KCNIP4: variants seen among roughly 807,000 people sequenced by gnomAD.
KCNIP4 encodes potassium voltage-gated channel interacting protein 4.
A neutral mutation model predicts 34.0 loss-of-function variants in KCNIP4; 12 were observed. The observed-to-expected ratio is 0.35, with a 90% CI of 0.23 to 0.57. The LOEUF (loss-of-function observed/expected upper bound fraction) is 0.57. KCNIP4 is among the 20% of genes least tolerant of loss of function. The pLI is 0.83. For missense variants in KCNIP4, 238 were observed against 311.7 expected (o/e 0.76, Z 1.78); for synonymous variants, 124 against 102.2 (o/e 1.21, Z -1.29).
intron 1 of KCNIP4, among the ~76,000 whole-genome samples, chr4:21,741,765 G>A (rs572502388): frequency 5.3e-5 from 8 of 152,220 alleles, no homozygotes; most frequent in Admixed American, 2.6e-4. Context: ...TAGGCCGGGC[G>A]TGGTGGCTCA....
intron 1 of KCNIP4, among the ~76,000 whole-genome samples, chr4:21,020,461 A>G (rs1739935315): frequency 6.6e-6 from 1 of 152,072 alleles, no homozygotes; most frequent in Admixed American, 6.5e-5. Context: ...ATTTGGGATG[A>G]TACTCCCTCT....
intron 1 of KCNIP4, among the ~76,000 whole-genome samples, chr4:21,663,825 C>T (rs1275812566): frequency 2.0e-5 from 3 of 152,210 alleles, no homozygotes; most frequent in Non-Finnish European, 4.4e-5. Flanking sequence ...ATTCTCACAA[C>T]AGCACTATTT....
chr4:21,427,819 T>G (rs1726065948), intron 1 of KCNIP4, among the ~76,000 whole-genome samples: 1 of 152,126 alleles, frequency 6.6e-6, no homozygotes, highest in African/African-American at 2.4e-5. Flanking sequence ...TCAAAGTCCT[T>G]AAGAAAACTG....
chr4:20,864,155 C>CATACACATGTATGT (rs1286762501), intron 2 of KCNIP4, among the ~76,000 whole-genome samples: 2 of 87,156 alleles, frequency 2.3e-5, no homozygotes, highest in Non-Finnish European at 5.9e-5. Context: ...TCCATGTATG[C>CATACACATGTATGT]ATACACATGT....
At chr4:21,514,551 T>A (rs1360458125) in intron 1 of KCNIP4, among the ~76,000 whole-genome samples, 3 of 152,062 alleles carry the variant, frequency 2.0e-5, no homozygotes, top group Non-Finnish European at 2.9e-5. Context: ...AGTAACTAAA[T>A]AATTATGGCT....
intron 1 of KCNIP4, among the ~76,000 whole-genome samples, chr4:21,537,343 T>C (rs1022562134): frequency 2.0e-5 from 3 of 152,266 alleles, no homozygotes; most frequent in African/African-American, 7.2e-5. Context: ...ATAGTGGCGA[T>C]GGGTGATGTT....
intron 1 of KCNIP4, among the ~76,000 whole-genome samples, chr4:21,183,266 T>G (rs1025760415): frequency 2.0e-5 from 3 of 152,136 alleles, no homozygotes; most frequent in Non-Finnish European, 2.9e-5. Flanking sequence ...GTCAATTGAC[T>G]CCGTAGTCTA....
At chr4:21,864,398 G>A (rs2109355949) in intron 1 of KCNIP4, among the ~76,000 whole-genome samples, 1 of 152,190 alleles carries the variant, frequency 6.6e-6, no homozygotes, top group African/African-American at 2.4e-5. Flanking sequence ...TAACAACCAG[G>A]TTTTTAGGAC....
chr4:21,883,120 A>G (rs1052871948), intron 1 of KCNIP4, among the ~76,000 whole-genome samples: 2 of 151,398 alleles, frequency 1.3e-5, no homozygotes, highest in Admixed American at 6.6e-5. Flanking sequence ...TATAAAAGAC[A>G]TTTAAATGGA....
intron 1 of KCNIP4, among the ~76,000 whole-genome samples, chr4:21,674,809 T>C (rs974570154): frequency 2.0e-5 from 3 of 152,188 alleles, no homozygotes; most frequent in African/African-American, 7.2e-5. Context: ...TTTTACCTAG[T>C]ATTCCTGTGT....
At chr4:20,820,045 C>G (rs1014605609) in intron 3 of KCNIP4, among the ~76,000 whole-genome samples, 6 of 152,186 alleles carry the variant, frequency 3.9e-5, no homozygotes, top group African/African-American at 1.4e-4. Flanking sequence ...CAAGATAATG[C>G]AGAGAGGCTG....
intron 1 of KCNIP4, among the ~76,000 whole-genome samples, chr4:20,883,275 C>T (rs1480623077): frequency 1.3e-5 from 2 of 152,056 alleles, no homozygotes; most frequent in African/African-American, 4.8e-5. Flanking sequence ...TACTGACATG[C>T]CCAGAGATGT....
At chr4:20,963,110 G>T (rs1734003700) in intron 1 of KCNIP4, among the ~76,000 whole-genome samples, 1 of 151,938 alleles carries the variant, frequency 6.6e-6, no homozygotes, top group Non-Finnish European at 1.5e-5. Flanking sequence ...CACTTGAGGT[G>T]AGGGGTTCGA....
At chr4:20,917,455 C>A (rs545150813) in intron 1 of KCNIP4, among the ~76,000 whole-genome samples, 1 of 152,256 alleles carries the variant, frequency 6.6e-6, no homozygotes, top group Admixed American at 6.5e-5. Flanking sequence ...CTGCTTCACC[C>A]TAAAATGGGA....
At chr4:21,790,087 T>C (rs1202303293) in intron 1 of KCNIP4, among the ~76,000 whole-genome samples, 1 of 152,162 alleles carries the variant, frequency 6.6e-6, no homozygotes, top group African/African-American at 2.4e-5. Flanking sequence ...GGCAAAGCCA[T>C]TATGTGGATG....
At chr4:21,228,411 CTG>C (rs1758558177) in intron 1 of KCNIP4, among the ~76,000 whole-genome samples, 1 of 152,172 alleles carries the variant, frequency 6.6e-6, no homozygotes, top group Non-Finnish European at 1.5e-5. Context: ...ACCTGCAGAA[CTG>C]TGAGTCAATG....
chr4:21,017,055 T>A (rs1211875957), intron 1 of KCNIP4, among the ~76,000 whole-genome samples: 2 of 152,210 alleles, frequency 1.3e-5, no homozygotes, highest in Non-Finnish European at 2.9e-5. Context: ...CAATTCATTA[T>A]GTCAAGTGTT....
At chr4:20,980,500 C>T (rs921811610) in intron 1 of KCNIP4, among the ~76,000 whole-genome samples, 7 of 152,098 alleles carry the variant, frequency 4.6e-5, no homozygotes, top group African/African-American at 1.4e-4. Flanking sequence ...ACAAGACTAT[C>T]GAAATTGGAA....
At chr4:21,725,905 C>G (rs4101629) in intron 1 of KCNIP4, among the ~76,000 whole-genome samples, 62,729 of 151,872 alleles carry the variant, frequency 0.41, 15,168 homozygotes, top group East Asian at 0.68. Flanking sequence ...AGATGGCACT[C>G]TAAAAAGAAG....
Sources: allele counts gnomAD v4.1 joint callset (sites outside exome capture counted in the v4.1 genomes callset), GRCh38; gene constraint gnomAD v4.1.1; transcripts MANE v1.5; gene names NCBI Gene and HGNC (gene_info 2026-07-23, HGNC 2026-07-21).